CNTNAP2: variants seen among roughly 807,000 people sequenced by gnomAD.
CNTNAP2 encodes the protein contactin-associated protein-like 2.
CNTNAP2 carries 98 observed loss-of-function variants against 155.2 expected under a neutral mutation model. The ratio of observed to expected loss-of-function variants is 0.63; its 90% CI spans 0.54 to 0.75. CNTNAP2 has a LOEUF of 0.75. Among genes scored for constraint, CNTNAP2 ranks in the 30% least tolerant of loss-of-function variants. CNTNAP2 has a pLI of 0.00. For missense variants in CNTNAP2, 1,727 were observed against 1,688.1 expected, an observed-to-expected ratio of 1.02 and a Z score of -0.40; for synonymous variants, 651 against 631.2, an observed-to-expected ratio of 1.03 and a Z score of -0.47.
intron 9 of CNTNAP2, among the ~76,000 whole-genome samples, chr7:147,322,624 T>C (rs1046509877): frequency 6.8e-6 from 1 of 147,046 alleles, no homozygotes; most frequent in Non-Finnish European, 1.5e-5. Flanking sequence ...CTTTTTCTAT[T>C]GATTGGAATA....
At chr7:146,993,501 T>C (rs192659819) in intron 3 of CNTNAP2, among the ~76,000 whole-genome samples, 39 of 152,246 alleles carry the variant, frequency 2.6e-4, no homozygotes, top group Admixed American at 2.5e-3. Context: ...TTCTATCTAT[T>C]GGGAGACTGC....
At chr7:147,245,323 A>G (rs1005963962) in intron 8 of CNTNAP2, among the ~76,000 whole-genome samples, 8 of 152,182 alleles carry the variant, frequency 5.3e-5, no homozygotes, top group African/African-American at 1.4e-4. Flanking sequence ...TGCATTGTGC[A>G]CAAAATGACC....
At chr7:148,165,566 G>A (rs1019114005) in intron 17 of CNTNAP2, among the ~76,000 whole-genome samples, 1 of 152,162 alleles carries the variant, frequency 6.6e-6, no homozygotes, top group Non-Finnish European at 1.5e-5. Context: ...ACTAGAATTA[G>A]TGCAAAGAAG....
chr7:147,400,831 C>A (rs757664892), intron 10 of CNTNAP2, among the ~76,000 whole-genome samples: 38 of 152,154 alleles, frequency 2.5e-4, no homozygotes, highest in Non-Finnish European at 1.3e-4. Context: ...CTGATACTAA[C>A]TTGTATGTGA....
At chr7:146,166,418 C>A (rs1269572886) in intron 1 of CNTNAP2, among the ~76,000 whole-genome samples, 1 of 152,074 alleles carries the variant, frequency 6.6e-6, no homozygotes, top group Admixed American at 6.6e-5. Context: ...TTAATCAATC[C>A]ATTGCTAAGC....
chr7:146,771,195 A>G (rs937067482), intron 1 of CNTNAP2, among the ~76,000 whole-genome samples: 11 of 152,040 alleles, frequency 7.2e-5, no homozygotes, highest in Admixed American at 6.6e-5. Flanking sequence ...ATAAATTTAC[A>G]TTTTTTCGTT....
intron 1 of CNTNAP2, among the ~76,000 whole-genome samples, chr7:146,749,657 T>G (rs1228766600): frequency 6.6e-6 from 1 of 150,820 alleles, no homozygotes; most frequent in Admixed American, 6.6e-5. Context: ...AGAAAAGAGA[T>G]GATAAAACCC....
intron 16 of CNTNAP2, among the ~76,000 whole-genome samples, chr7:148,136,153 G>A (rs926464731): frequency 8.6e-5 from 13 of 150,556 alleles, no homozygotes; most frequent in Non-Finnish European, 1.6e-4. Flanking sequence ...AAAGAAGGAA[G>A]GAAAGAAATA....
intron 13 of CNTNAP2, among the ~76,000 whole-genome samples, chr7:147,711,749 A>G (rs914854291): frequency 6.6e-6 from 1 of 152,190 alleles, no homozygotes; most frequent in Non-Finnish European, 1.5e-5. Flanking sequence ...TCTATTATTA[A>G]GACAATCAGC....
intron 10 of CNTNAP2, among the ~76,000 whole-genome samples, chr7:147,455,208 C>T (rs1237128440): frequency 6.6e-6 from 1 of 152,016 alleles, no homozygotes; most frequent in African/African-American, 2.4e-5. Context: ...CATTTTCGTT[C>T]CTTAATCTCT....
At chr7:147,426,821 T>C (rs1797384606) in intron 10 of CNTNAP2, among the ~76,000 whole-genome samples, 1 of 151,962 alleles carries the variant, frequency 6.6e-6, no homozygotes, top group African/African-American at 2.4e-5. Context: ...AATTAGTTTT[T>C]GTTGGATGGA....
At chr7:147,268,483 G>A (rs1411027513) in intron 8 of CNTNAP2, among the ~76,000 whole-genome samples, 1 of 152,132 alleles carries the variant, frequency 6.6e-6, no homozygotes, top group East Asian at 1.9e-4. Flanking sequence ...GACACAGGGA[G>A]GGGAACATCA....
chr7:146,373,426 A>C (rs1483331654), intron 1 of CNTNAP2, among the ~76,000 whole-genome samples: 1 of 151,904 alleles, frequency 6.6e-6, no homozygotes, highest in Non-Finnish European at 1.5e-5. Flanking sequence ...ACACACACAC[A>C]CACACACTTA....
At chr7:147,266,263 G>T (rs1236623133) in intron 8 of CNTNAP2, among the ~76,000 whole-genome samples, 1 of 152,184 alleles carries the variant, frequency 6.6e-6, no homozygotes, top group African/African-American at 2.4e-5. Context: ...CTGCTAACTA[G>T]AATAACCAGT....
intron 1 of CNTNAP2, among the ~76,000 whole-genome samples, chr7:146,232,274 T>C (rs1799398460): frequency 7.9e-6 from 1 of 126,398 alleles, no homozygotes; most frequent in South Asian, 2.8e-4. Flanking sequence ...TGTATGTGTG[T>C]TTGTGTAATT....
At chr7:148,299,553 G>A (rs967987437) in intron 21 of CNTNAP2, among the ~76,000 whole-genome samples, 12 of 152,172 alleles carry the variant, frequency 7.9e-5, no homozygotes, top group African/African-American at 2.9e-4. Context: ...AACAGTCAAC[G>A]ATTTTTTTCT....
intron 1 of CNTNAP2, among the ~76,000 whole-genome samples, chr7:146,472,723 G>A (rs1330221957): frequency 6.6e-6 from 1 of 151,800 alleles, no homozygotes; most frequent in East Asian, 1.9e-4. Context: ...CACAAGATTT[G>A]AATATATTTT....
At chr7:146,714,283 G>A (rs75612688) in intron 1 of CNTNAP2, among the ~76,000 whole-genome samples, 2,293 of 152,252 alleles carry the variant, frequency 0.015, 56 homozygotes, top group African/African-American at 0.05. Context: ...TTGCTAGAAC[G>A]TATTTGTTCA....
chr7:148,129,084 T>A (rs1449776694), intron 16 of CNTNAP2, among the ~76,000 whole-genome samples: 2 of 152,122 alleles, frequency 1.3e-5, no homozygotes, highest in Non-Finnish European at 2.9e-5. Flanking sequence ...CTACTTCCAG[T>A]CACACCCAAA....
Sources: gnomAD v4.1 joint callset for allele counts (sites outside exome capture counted in the v4.1 genomes callset) on GRCh38, gnomAD v4.1.1 for gene constraint, MANE v1.5 for transcripts, NCBI Gene and HGNC (gene_info 2026-07-23, HGNC 2026-07-21) for gene names.